Variants in SERINC5 observed in about 807,000 individuals in gnomAD.
SERINC5 encodes chromosome 5 open reading frame 12.
In SERINC5, 41 loss-of-function variants were observed where a neutral mutation model predicts 63.1. The observed-to-expected ratio is 0.65, with a 90% CI of 0.51 to 0.84. The LOEUF is 0.84. Among genes scored for constraint, SERINC5 ranks in the 40% least tolerant of loss-of-function variants. The pLI is 0.00. For synonymous variants in SERINC5, 222 were observed against 215.2 expected (o/e 1.03, Z -0.28); for missense variants, 523 against 573.0 (o/e 0.91, Z 0.89).
At chr5:80,254,222 C>A (rs965754088) in intron 1 of SERINC5, among the ~76,000 whole-genome samples, 1 of 133,574 alleles carries the variant, frequency 7.5e-6, no homozygotes, top group East Asian at 2.8e-4. Flanking sequence ...CTGCGCCCAG[C>A]CTGTTTGCTT....
intron 2 of SERINC5, among the ~76,000 whole-genome samples, chr5:80,192,844 A>G (rs1179339415): frequency 6.6e-6 from 1 of 152,144 alleles, no homozygotes; most frequent in African/African-American, 2.4e-5. Flanking sequence ...GAATGGGGAG[A>G]GAGCATTCCT....
intron 2 of SERINC5, among the ~76,000 whole-genome samples, chr5:80,192,435 A>ATT (rs5869024): frequency 5.7e-4 from 84 of 147,152 alleles, no homozygotes; most frequent in Middle Eastern, 3.5e-3. Flanking sequence ...CCCATATGTC[A>ATT]TTTTTTTTTT....
At chr5:80,205,277 C>T (rs1404427563) in intron 1 of SERINC5, among the ~76,000 whole-genome samples, 1 of 152,214 alleles carries the variant, frequency 6.6e-6, no homozygotes, top group Non-Finnish European at 1.5e-5. Flanking sequence ...TCCAACTTCA[C>T]CCTTGTGTTC....
chr5:80,132,896 T>C (rs73125935), intron 11 of SERINC5, among the ~76,000 whole-genome samples: 3,744 of 152,260 alleles, frequency 0.025, 149 homozygotes, highest in African/African-American at 0.086. Flanking sequence ...AAGTAACACA[T>C]AGAAGACTGA....
chr5:80,147,153 A>G lies in SERINC5; in HGVS notation c.1093+92T>C. On this transcript the variant is annotated intron_variant, in intron 10 of 11. Coordinates refer to ENST00000507668, the MANE Select transcript of SERINC5 (RefSeq NM_001174072.3). Reference sequence around the variant, plus strand: ...AATAAAACTTTCTCCTTACTATTCAAGTTATTTGTGTCTGAATCCCAAATG... The same window carrying G: ...AATAAAACTTTCTCCTTACTATTCAGGTTATTTGTGTCTGAATCCCAAATG... 2.6e-6 allele frequency: 3 copies of G among 1,170,440 alleles called. No homozygotes were observed. In the Middle Eastern group the frequency reaches 5.8e-4, roughly 228 times the overall value. 72.5% of individuals were successfully genotyped at this position (1,170,440 alleles called of 1,614,324 possible).
At chr5:80,129,423 C>T (rs1021694953) in intron 11 of SERINC5, among the ~76,000 whole-genome samples, 2 of 152,182 alleles carry the variant, frequency 1.3e-5, no homozygotes, top group Admixed American at 6.5e-5. Context: ...CCCACCTCAG[C>T]CTTAAGAGCA....
intron 1 of SERINC5, among the ~76,000 whole-genome samples, chr5:80,211,826 C>A (rs1561430245): frequency 6.6e-6 from 1 of 152,218 alleles, no homozygotes; most frequent in Non-Finnish European, 1.5e-5. Flanking sequence ...CCAGGCAGCA[C>A]ATATGTTCTG....
intron 1 of SERINC5, 28 bp from the exon 2 acceptor site, chr5:80,203,081 T>G (rs1488826219): frequency 2.6e-6 from 4 of 1,564,208 alleles, no homozygotes; most frequent in Non-Finnish European, 3.5e-6. Context: ...GGCATCTGCT[T>G]AGAGCATGAT....
At position 80,202,851 on chromosome 5, in the gene SERINC5, C is replaced by T. The variant is rs146692197; in HGVS notation, c.195+35G>A. ...TTTCCCACACACCCTCATCAAACAT[C>T]GGAAATAGGACGAGCTGAACACGGA... On this transcript the variant is annotated intron_variant, in intron 2 of 11. Coordinates refer to ENST00000507668, the MANE Select transcript of SERINC5 (RefSeq NM_001174072.3). 397 of 1,578,198 alleles carry T rather than the reference C, an allele frequency of 2.5e-4. 1 individual carries two copies. The East Asian group carries it at 3.3e-3, about 13-fold the overall frequency.
Position 80,256,035 on chromosome 5 carries a change from A to G in SERINC5, c.-113T>C. The G allele has an allele frequency of 8.6e-7, 1 of 1,167,922 alleles. No individual in the cohort carries two copies. The highest frequency in any genetic ancestry group is 1.1e-6 in the Non-Finnish European group (1 of 878,678). The allele number at this position is 1,167,922 out of a possible 1,614,324, so 72.3% of individuals were successfully genotyped here. On this transcript the variant is annotated 5_prime_UTR_variant, in exon 1 of 12. Transcript: ENST00000507668. Reference sequence around the variant, plus strand: ...AGCCGCAGCTCACACTTGAACGAAGATCAGCCTCGGCGAAGCGCCTAGGCG... The same window carrying G: ...AGCCGCAGCTCACACTTGAACGAAGGTCAGCCTCGGCGAAGCGCCTAGGCG...
At chr5:80,242,862 G>A (rs1215180265) in intron 1 of SERINC5, among the ~76,000 whole-genome samples, 10 of 152,240 alleles carry the variant, frequency 6.6e-5, no homozygotes, top group Non-Finnish European at 1.3e-4. Context: ...GACAGTGGTT[G>A]CAGTGAGCCA....
intron 1 of SERINC5, among the ~76,000 whole-genome samples, chr5:80,233,093 G>T (rs1318231483): frequency 6.6e-6 from 1 of 152,146 alleles, no homozygotes; most frequent in Non-Finnish European, 1.5e-5. Context: ...AAATGACTGG[G>T]CTGTATATGC....
intron 1 of SERINC5, among the ~76,000 whole-genome samples, chr5:80,223,892 G>A (rs551422903): frequency 2.0e-5 from 3 of 151,870 alleles, no homozygotes; most frequent in Non-Finnish European, 4.4e-5. Context: ...TTGGGAGGCC[G>A]AGGCAGGCAG....
intron 1 of SERINC5, among the ~76,000 whole-genome samples, chr5:80,218,848 G>T (rs1750782657): frequency 6.6e-6 from 1 of 151,828 alleles, no homozygotes; most frequent in Non-Finnish European, 1.5e-5. Flanking sequence ...TCACAGAAAG[G>T]GCTCACTGCT....
chr5:80,186,828 T>C (rs1748839245), intron 2 of SERINC5, among the ~76,000 whole-genome samples: 1 of 152,084 alleles, frequency 6.6e-6, no homozygotes, highest in Non-Finnish European at 1.5e-5. Context: ...AGGTGAAAGT[T>C]GTAGTTGTGT....
intron 1 of SERINC5, among the ~76,000 whole-genome samples, chr5:80,218,673 CAAA>C (rs772735653): frequency 2.0e-5 from 2 of 99,162 alleles, no homozygotes; most frequent in Non-Finnish European, 2.1e-5. Flanking sequence ...GACTCTGTCT[CAAA>C]AAAAAAAAAA....
chr5:80,222,180 G>A (rs952518320), intron 1 of SERINC5, among the ~76,000 whole-genome samples: 3 of 151,830 alleles, frequency 2.0e-5, no homozygotes, highest in Admixed American at 1.3e-4. Context: ...AATAAAAATG[G>A]TCCCAAGCTC....
chr5:80,190,538 A>G (rs1749118140), intron 2 of SERINC5, among the ~76,000 whole-genome samples: 1 of 152,232 alleles, frequency 6.6e-6, no homozygotes, highest in Non-Finnish European at 1.5e-5. Flanking sequence ...ATGTGCAGGT[A>G]TTGCTCTAAA....
intron 11 of SERINC5, among the ~76,000 whole-genome samples, chr5:80,127,303 T>C (rs746939574): frequency 1.3e-5 from 2 of 152,220 alleles, no homozygotes; most frequent in Non-Finnish European, 2.9e-5. Flanking sequence ...AGAAGTGATG[T>C]GTGCCACTTC....
Sources: gnomAD v4.1 joint callset for allele counts (sites outside exome capture counted in the v4.1 genomes callset) on GRCh38, gnomAD v4.1.1 for gene constraint, MANE v1.5 for transcripts, NCBI Gene and HGNC (gene_info 2026-07-23, HGNC 2026-07-21) for gene names.